C2orf78: variants seen among roughly 807,000 people sequenced by gnomAD.
The protein encoded by C2orf78 is uncharacterized protein C2orf78.
A neutral mutation model predicts 21.4 loss-of-function variants in C2orf78; 12 were observed. That is an observed-to-expected ratio of 0.56 (90% CI 0.36 to 0.91). C2orf78 has a LOEUF of 0.91. Among genes scored for constraint, C2orf78 ranks in the 40% least tolerant of loss-of-function variants. C2orf78 has a pLI of 0.01. For missense variants in C2orf78, 1,042 were observed against 1,092.4 expected, an observed-to-expected ratio of 0.95 and a Z score of 0.65; for synonymous variants, 396 against 413.9, an observed-to-expected ratio of 0.96 and a Z score of 0.52.
chr2:73,785,287 C>CACAAACAA (rs939411254), intron 1 of C2orf78, among the ~76,000 whole-genome samples: 2 of 129,012 alleles, frequency 1.6e-5, no homozygotes, highest in Non-Finnish European at 3.2e-5. Flanking sequence ...GAGACCCTGT[C>CACAAACAA]ACAAACAAAC....
chr2:73,807,723 T>G (rs1672982719), intron 1 of C2orf78, among the ~76,000 whole-genome samples: 1 of 122,200 alleles, frequency 8.2e-6, no homozygotes, highest in Non-Finnish European at 1.7e-5. Flanking sequence ...TCCACGAATG[T>G]AAAAATGCAA....
At chr2:73,815,945 A>G (rs1339290779) in exon 3 of C2orf78, 1 of 1,613,908 alleles carries the variant, frequency 6.2e-7, no homozygotes, top group Non-Finnish European at 8.5e-7. Flanking sequence ...AAAAGACCAA[A>G]GGGAACAGAA....
chr2:73,810,676 T>C (rs1470729731), intron 1 of C2orf78, among the ~76,000 whole-genome samples: 2 of 133,176 alleles, frequency 1.5e-5, no homozygotes, highest in South Asian at 2.1e-4. Context: ...TATAATATAA[T>C]AAAATATACA....
chr2:73,808,458 G>T (rs1330822759), intron 1 of C2orf78, among the ~76,000 whole-genome samples: 3 of 150,746 alleles, frequency 2.0e-5, no homozygotes, highest in Non-Finnish European at 4.4e-5. Flanking sequence ...AATTATATTA[G>T]TGAACATTTA....
intron 1 of C2orf78, among the ~76,000 whole-genome samples, chr2:73,809,855 A>G (rs1673039654): frequency 6.6e-6 from 1 of 152,186 alleles, no homozygotes; most frequent in South Asian, 2.1e-4. Context: ...GTGGAAAGAG[A>G]AAATGGAGAG....
At chr2:73,815,745 G>A (rs767934318) in exon 3 of C2orf78, 26 of 1,613,384 alleles carry the variant, frequency 1.6e-5, no homozygotes, top group East Asian at 6.7e-5. Context: ...TAAAGCTTCC[G>A]AGCCTATCCA....
intron 1 of C2orf78, among the ~76,000 whole-genome samples, chr2:73,785,761 T>C (rs1227704828): frequency 2.0e-5 from 3 of 151,982 alleles, no homozygotes; most frequent in Non-Finnish European, 4.4e-5. Flanking sequence ...AAATATGTTT[T>C]AGAGGCCAGG....
At chr2:73,814,253 G>C (rs1228126325) in intron 2 of C2orf78, 27 bp downstream of exon 2, 1 of 1,529,092 alleles carries the variant, frequency 6.5e-7, no homozygotes, top group Non-Finnish European at 8.8e-7. Flanking sequence ...AGAAAGGAGA[G>C]GAATAATGTC....
At chr2:73,809,349 T>C (rs1558540489) in intron 1 of C2orf78, among the ~76,000 whole-genome samples, 1 of 152,152 alleles carries the variant, frequency 6.6e-6, no homozygotes, top group Non-Finnish European at 1.5e-5. Flanking sequence ...AATTTAGTGA[T>C]GTTTAGTGAT....
intron 1 of C2orf78, among the ~76,000 whole-genome samples, chr2:73,808,366 C>G (rs1283928735): frequency 6.6e-6 from 1 of 151,062 alleles, no homozygotes; most frequent in Non-Finnish European, 1.5e-5. Context: ...CCTTTCTCCC[C>G]AAGGATATTG....
intron 1 of C2orf78, among the ~76,000 whole-genome samples, chr2:73,809,875 A>C (rs1043053279): frequency 5.3e-5 from 8 of 152,360 alleles, no homozygotes; most frequent in East Asian, 3.9e-4. Context: ...GTACTGGGTT[A>C]TAAGGAGGCA....
rs534131690 is a variant in C2orf78, at chr2:73,816,831, C to A, written c.2608C>A (p.Pro870Thr). The A allele has an allele frequency of 1.0e-4, 161 of 1,614,004 alleles. No homozygotes were observed. The East Asian group carries it at 3.4e-3, about 34-fold the overall frequency. ...TGTTCCTGAGCCAGTAATGTCAACG[C>A]CCATCACAGAAGAGCAGAGGCCAGA... is the stretch of plus-strand genomic sequence containing the variant. The change falls in exon 3 of 3, where the codon CCC becomes ACC. Residue 870 changes from proline (P) to threonine (T), a missense_variant. By Grantham distance (38) the Pro-to-Thr change is conservative. Transcript: ENST00000409561.
chr2:73,814,090 T>C (rs749043994), exon 2 of C2orf78: 5 of 1,613,384 alleles, frequency 3.1e-6, no homozygotes, highest in Non-Finnish European at 4.2e-6. Context: ...ACACAGGATA[T>C]AGGGCTTCTG....
intron 2 of C2orf78, 114 bp from the exon 3 acceptor site, chr2:73,814,957 A>G: frequency 2.0e-6 from 2 of 975,834 alleles, no homozygotes; most frequent in Non-Finnish European, 3.1e-6. Context: ...GGTCCTTAAG[A>G]AGAGCTAGTA....
chr2:73,816,602 ACCCAGTTCAGCCAACCCTACCCAG>A (rs911446233), exon 3 of C2orf78: 2 of 1,612,156 alleles, frequency 1.2e-6, no homozygotes, highest in African/African-American at 2.7e-5. Flanking sequence ...AAGCAACCCA[ACCCAGTTCAGCCAACCCTACCCAG>A]CCTACTGTCC....
At chr2:73,815,562 T>C in exon 3 of C2orf78, 1 of 1,613,938 alleles carries the variant, frequency 6.2e-7, no homozygotes. Context: ...CATCACTACA[T>C]GGGTGGAGGA....
At chr2:73,792,421 G>A (rs1672944044) in intron 1 of C2orf78, among the ~76,000 whole-genome samples, 1 of 136,022 alleles carries the variant, frequency 7.4e-6, no homozygotes, top group African/African-American at 3.1e-5. Context: ...GGGAGGCAGA[G>A]CTTGAAGCTA....
exon 3 of C2orf78, chr2:73,815,969 G>A: frequency 1.2e-6 from 2 of 1,613,916 alleles, no homozygotes; most frequent in Non-Finnish European, 1.7e-6. Flanking sequence ...ACAGCTCCAA[G>A]AAATCTGAAG....
chr2:73,815,966 C>T, exon 3 of C2orf78: 4 of 1,613,828 alleles, frequency 2.5e-6, no homozygotes, highest in Non-Finnish European at 3.4e-6. Flanking sequence ...AGAACAGCTC[C>T]AAGAAATCTG....
Sources: gnomAD v4.1 joint callset for allele counts (sites outside exome capture counted in the v4.1 genomes callset) on GRCh38, gnomAD v4.1.1 for gene constraint, MANE v1.5 for transcripts, NCBI Gene and HGNC (gene_info 2026-07-23, HGNC 2026-07-21) for gene names.